The following SAMD4A variants were observed in gnomAD, a reference collection of about 807,000 sequenced individuals.
SAMD4A encodes sterile alpha motif domain containing 4A, also known as protein Smaug homolog 1.
In SAMD4A, 33 loss-of-function variants were observed where a neutral mutation model predicts 81.3. The observed-to-expected ratio is 0.41, with a 90% CI of 0.31 to 0.54. The LOEUF (loss-of-function observed/expected upper bound fraction) is 0.54, where lower values mean the gene tolerates loss of function less well. SAMD4A is among the 20% of genes least tolerant of loss of function. The pLI is 0.37. For synonymous variants in SAMD4A, 389 were observed against 382.1 expected (o/e 1.02, Z -0.21); for missense variants, 854 against 951.1 (o/e 0.90, Z 1.34).
In SAMD4A at chr14:54,601,586, A is replaced by C. The variant is rs868551425; in HGVS notation, c.196+33474A>C. Among the ~76,000 whole-genome samples the C allele has an allele frequency of 3.9e-4, 60 of 152,292 alleles. 1 individual carries two copies. The highest frequency in any genetic ancestry group is 1.3e-3 in the African/African-American group (53 of 41,556). On this transcript the variant is annotated intron_variant, in intron 2 of 12. Coordinates refer to ENST00000554335, the MANE Select transcript of SAMD4A (RefSeq NM_015589.6). The stretch of plus-strand genomic sequence containing the variant: ...AAGTTTTGATGCCTATTGTACAAAT[A>C]TTTTTATCTTCATGTAAATCAAAGG...
intron 2 of SAMD4A, among the ~76,000 whole-genome samples, chr14:54,673,628 A>G (rs1439330259): frequency 1.3e-5 from 2 of 152,224 alleles, no homozygotes; most frequent in East Asian, 1.9e-4. Flanking sequence ...CATCACTGGG[A>G]CAAAGCTGTC....
chr14:54,706,529 T>C (rs1194908511), intron 3 of SAMD4A, among the ~76,000 whole-genome samples: 1 of 150,368 alleles, frequency 6.7e-6, no homozygotes, highest in Non-Finnish European at 1.5e-5. Context: ...TGCTTGAACC[T>C]GGGAGACAGA....
At chr14:54,603,712 C>G (rs910751889) in intron 2 of SAMD4A, among the ~76,000 whole-genome samples, 2 of 149,866 alleles carry the variant, frequency 1.3e-5, no homozygotes, top group Non-Finnish European at 3.0e-5. Context: ...ACTTATAGTT[C>G]TTTTACATTT....
chr14:54,595,508 T>C (rs2033889184), intron 2 of SAMD4A, among the ~76,000 whole-genome samples: 1 of 151,184 alleles, frequency 6.6e-6, no homozygotes, highest in African/African-American at 2.4e-5. Flanking sequence ...AAAAATCTAG[T>C]AAGGCAGACT....
intron 4 of SAMD4A, among the ~76,000 whole-genome samples, chr14:54,745,680 G>A (rs2037950655): frequency 6.6e-6 from 1 of 152,120 alleles, no homozygotes; most frequent in African/African-American, 2.4e-5. Context: ...TCCCACACTT[G>A]GCAAAGAAGT....
intron 3 of SAMD4A, among the ~76,000 whole-genome samples, chr14:54,718,656 C>G (rs914961894): frequency 2.0e-5 from 3 of 152,110 alleles, no homozygotes; most frequent in Non-Finnish European, 4.4e-5. Context: ...TTCTGCCACC[C>G]TAAATGACAC....
intron 2 of SAMD4A, chr14:54,687,521 C>T (rs2036305881): frequency 2.7e-6 from 1 of 372,530 alleles, no homozygotes; most frequent in Non-Finnish European, 5.3e-6. Flanking sequence ...ACAAGTTGTG[C>T]TCATGCTCCT....
intron 2 of SAMD4A, among the ~76,000 whole-genome samples, chr14:54,626,142 C>T (rs547166877): frequency 6.6e-6 from 1 of 151,398 alleles, no homozygotes; most frequent in East Asian, 2.0e-4. Context: ...ACTCTAGCTT[C>T]CAGGAGGTCA....
At chr14:54,688,394 T>C (rs2036335687) in intron 2 of SAMD4A, 1 of 983,706 alleles carries the variant, frequency 1.0e-6, no homozygotes, top group Non-Finnish European at 1.2e-6. Flanking sequence ...GGGGATTGTG[T>C]GGGGGTGGTT....
intron 3 of SAMD4A, among the ~76,000 whole-genome samples, chr14:54,725,041 G>C (rs12887318): frequency 0.39 from 59,101 of 152,050 alleles, 14,055 homozygotes; most frequent in Non-Finnish European, 0.54. Context: ...CAAGCTTTTA[G>C]GGCATGTCAC....
chr14:54,786,740 A>G (rs564576653), intron 12 of SAMD4A, among the ~76,000 whole-genome samples: 1 of 152,362 alleles, frequency 6.6e-6, no homozygotes, highest in African/African-American at 2.4e-5. Flanking sequence ...CATTATCATC[A>G]TTAGCAGCAA....
intron 2 of SAMD4A, among the ~76,000 whole-genome samples, chr14:54,622,732 G>A (rs944385349): frequency 1.3e-5 from 2 of 152,180 alleles, no homozygotes; most frequent in Non-Finnish European, 2.9e-5. Context: ...TCATGGTTCT[G>A]ATTTGACTGG....
chr14:54,691,581 A>G (rs2036443243), intron 2 of SAMD4A, among the ~76,000 whole-genome samples: 1 of 151,914 alleles, frequency 6.6e-6, no homozygotes, highest in South Asian at 2.1e-4. Flanking sequence ...AAAAATCTGA[A>G]AAATCTTATT....
chr14:54,708,384 G>C (rs1163588454), intron 3 of SAMD4A, among the ~76,000 whole-genome samples: 1 of 152,208 alleles, frequency 6.6e-6, no homozygotes, highest in African/African-American at 2.4e-5. Flanking sequence ...GATGAGTTTG[G>C]CATGTCTGTT....
intron 2 of SAMD4A, among the ~76,000 whole-genome samples, chr14:54,695,702 C>G (rs1259235161): frequency 2.0e-5 from 3 of 150,984 alleles, no homozygotes; most frequent in African/African-American, 7.3e-5. Context: ...CGCCTGTAAT[C>G]CCAGCACTTT....
At chr14:54,780,369 T>C (rs1052680511) in intron 11 of SAMD4A, among the ~76,000 whole-genome samples, 2 of 152,178 alleles carry the variant, frequency 1.3e-5, no homozygotes, top group Admixed American at 6.5e-5. Context: ...ATAAGCACGC[T>C]GCATATATCT....
At chr14:54,748,370 T>A (rs890942049) in intron 4 of SAMD4A, among the ~76,000 whole-genome samples, 1 of 152,248 alleles carries the variant, frequency 6.6e-6, no homozygotes, top group African/African-American at 2.4e-5. Context: ...TCTGCTCATG[T>A]AGCTCTAACA....
intron 3 of SAMD4A, among the ~76,000 whole-genome samples, chr14:54,730,875 G>C (rs1374937798): frequency 2.0e-5 from 3 of 152,166 alleles, no homozygotes; most frequent in Non-Finnish European, 2.9e-5. Context: ...CAGGGCTTCA[G>C]ATTACTGGTT....
At chr14:54,633,914 G>T (rs1392774812) in intron 2 of SAMD4A, among the ~76,000 whole-genome samples, 1 of 152,070 alleles carries the variant, frequency 6.6e-6, no homozygotes, top group Non-Finnish European at 1.5e-5. Context: ...TTGGAGGGGG[G>T]ATCTTCTTGT....
Sources: gnomAD v4.1 joint callset for allele counts (sites outside exome capture counted in the v4.1 genomes callset) on GRCh38, gnomAD v4.1.1 for gene constraint, MANE v1.5 for transcripts, NCBI Gene and HGNC (gene_info 2026-07-23, HGNC 2026-07-21) for gene names.